ATM: variants seen among roughly 807,000 people sequenced by gnomAD.
The protein encoded by ATM is ATM serine/threonine kinase, also known as serine-protein kinase ATM.
A neutral mutation model predicts 387.0 loss-of-function variants in ATM; 308 were observed. That is an observed-to-expected ratio of 0.80 (90% confidence interval 0.73 to 0.87). The LOEUF (loss-of-function observed/expected upper bound fraction) is 0.87, where lower values mean the gene tolerates loss of function less well. ATM is among the 40% of genes least tolerant of loss of function. The pLI, the probability that ATM is intolerant of heterozygous loss-of-function variation, is 0.00. For synonymous variants in ATM, 1,156 were observed against 1,187.3 expected (o/e 0.97, Z 0.54); for missense variants, 3,312 against 3,560.9 (o/e 0.93, Z 1.78).
At chr11:108,361,360 T>G (rs921177636) in intron 61 of ATM, among the ~76,000 whole-genome samples, 2 of 150,616 alleles carry the variant, frequency 1.3e-5, no homozygotes, top group Admixed American at 6.6e-5. Context: ...ATTGTGAAAA[T>G]GGCCATACTG....
chr11:108,266,497 A>T (rs1382602979), intron 16 of ATM, among the ~76,000 whole-genome samples: 4 of 83,064 alleles, frequency 4.8e-5, no homozygotes, highest in South Asian at 5.0e-4. Flanking sequence ...GGGTGGGGGG[A>T]GGGGGGAGGG....
intron 43 of ATM, 99 bp downstream of exon 43, chr11:108,317,620 T>C: frequency 3.4e-5 from 1 of 29,792 alleles, no homozygotes; most frequent in Non-Finnish European, 6.5e-5. Flanking sequence ...TTGTTTTATA[T>C]ATATATATAT....
intron 15 of ATM, 25 bp downstream of exon 15, chr11:108,257,631 G>GT (rs772315792): frequency 1.9e-6 from 3 of 1,609,110 alleles, no homozygotes; most frequent in Admixed American, 1.7e-5. Flanking sequence ...TTCTTGTTTT[G>GT]TTTTTTGAGA....
chr11:108,343,183 G>T lies in ATM; in HGVS notation c.8269-39G>T, dbSNP rs2136936674. On this transcript the variant is annotated intron_variant, in intron 56 of 62. Coordinates refer to ENST00000675843, the MANE Select transcript of ATM (RefSeq NM_000051.4). ...AATGATCATCAAATGCTCTTTAATG[G>T]CCTTTTAAAATTAAAAGGTATTTAA... 1 of 1,611,314 alleles carries T rather than the reference G, an allele frequency of 6.2e-7. No individual in the cohort carries two copies. The highest frequency in any genetic ancestry group is 8.5e-7 in the Non-Finnish European group (1 of 1,177,674).
chr11:108,329,009 G>C lies in ATM; in HGVS notation c.7090-12G>C. The C allele has an allele frequency of 6.2e-7, 1 of 1,609,494 alleles. No individual in the cohort carries two copies. Among genetic ancestry groups the C allele is most frequent in the Non-Finnish European group, 8.5e-7 (1 of 1,175,904 alleles). ...TGTAAATATAATTTAAATTGGTTGT[G>C]TTTTCTTGAAGGCAGTAGAAGTTGC... is the stretch of plus-strand genomic sequence containing the variant. On this transcript the variant is annotated splice_polypyrimidine_tract_variant and intron_variant, in intron 48 of 62. Transcript: ENST00000675843.
In ATM at chr11:108,332,901, G is replaced by C. The variant is rs1555125532; in HGVS notation, c.7927+1G>C. On this transcript the variant is annotated splice_donor_variant, in intron 53 of 62. Coordinates refer to ENST00000675843, the MANE Select transcript of ATM (RefSeq NM_000051.4). LOFTEE classifies it high-confidence loss of function. ...GCCACTCAGTGGAAGACTCAGAGAA[G>C]TATGTTTTTTTTAAAGAAGAAACGT... The C allele has an allele frequency of 6.2e-7, 1 of 1,611,550 alleles. No homozygotes were observed. Among genetic ancestry groups the C allele is most frequent in the Non-Finnish European group, 8.5e-7 (1 of 1,179,392 alleles).
At chr11:108,279,639 T>TCATAGCAAG in intron 23 of ATM, 31 bp downstream of exon 23, 3 of 1,499,468 alleles carry the variant, frequency 2.0e-6, no homozygotes, top group Non-Finnish European at 2.8e-6. Context: ...TTTGCTGTTA[T>TCATAGCAAG]CATATGCTTG....
chr11:108,313,703 T>C (rs897631625), intron 40 of ATM, among the ~76,000 whole-genome samples: 1 of 152,178 alleles, frequency 6.6e-6, no homozygotes, highest in African/African-American at 2.4e-5. Flanking sequence ...ACTGAACTTT[T>C]CTACTCTGAG....
At chr11:108,224,524 A>G (rs965223985) in intron 1 of ATM, 8 of 152,124 alleles carry the variant, frequency 5.3e-5, no homozygotes, top group African/African-American at 7.2e-5. Context: ...TGACACTCAT[A>G]CTCTAGTTGA....
At chr11:108,288,636 T>C (rs1214763414) in intron 27 of ATM, among the ~76,000 whole-genome samples, 1 of 152,080 alleles carries the variant, frequency 6.6e-6, no homozygotes, top group South Asian at 2.1e-4. Flanking sequence ...AAAGTACTGC[T>C]TTTACAGTAC....
chr11:108,237,717 C>T (rs1372757495), intron 5 of ATM, among the ~76,000 whole-genome samples: 1 of 151,958 alleles, frequency 6.6e-6, no homozygotes, highest in Non-Finnish European at 1.5e-5. Context: ...GAAGAATGGC[C>T]TAAGATTGAG....
At chr11:108,280,312 A>G (rs1189479062) in intron 23 of ATM, among the ~76,000 whole-genome samples, 1 of 152,174 alleles carries the variant, frequency 6.6e-6, no homozygotes, top group Non-Finnish European at 1.5e-5. Flanking sequence ...TCTGACAGCA[A>G]TTCATTTAGA....
rs879253949 is a variant in ATM at position 108,281,023 on chromosome 11, T to C, written c.3431T>C (p.Leu1144Ser). 6.2e-7 allele frequency: 1 copy of C among 1,613,382 alleles called. No individual in the cohort carries two copies. Among genetic ancestry groups the C allele is most frequent in the South Asian group, 1.1e-5 (1 of 90,940 alleles). ...MSHSAENPET[L>S]DEIYNRKSVL... Reference sequence around the variant, plus strand: ...CATAGTGCTGAGAACCCTGAAACTTTGGATGAAATTTATAATAGAAAATCT... The same window carrying C: ...CATAGTGCTGAGAACCCTGAAACTTCGGATGAAATTTATAATAGAAAATCT... The change falls in exon 24 of 63, where the codon TTG (leucine) becomes TCG (serine). Residue 1144 changes from leucine (L) to serine (S), a missense_variant. Leu to Ser is a moderately radical substitution (Grantham distance 145). Transcript: ENST00000675843.
chr11:108,320,018 A>G lies in ATM; in HGVS notation c.6412A>G (p.Arg2138Gly), dbSNP rs752069869. ...CAATGCTCTACAATCTCTAAGAGAC[A>G]GAGAATTCTCTACATTTTATGAAAG... is the stretch of plus-strand genomic sequence containing the variant. ...LYNALQSLRD[R>G]EFSTFYESLK... Residue 2138 changes from arginine (R) to glycine (G), a missense_variant, in exon 44 of 63, where the codon AGA becomes GGA. Arg to Gly is a moderately radical substitution (Grantham distance 125). Transcript: ENST00000675843. The G allele has an allele frequency of 6.2e-6, 10 of 1,611,386 alleles. No individual in the cohort carries two copies. In the South Asian group the frequency reaches 7.7e-5, roughly 12 times the overall value.
At chr11:108,361,545 C>G (rs1230269389) in intron 61 of ATM, among the ~76,000 whole-genome samples, 2 of 152,066 alleles carry the variant, frequency 1.3e-5, no homozygotes, top group African/African-American at 4.8e-5. Flanking sequence ...TGACTTCAAA[C>G]TATACTACAA....
rs864622758 is a variant in ATM at position 108,229,272 on chromosome 11, A to G, written c.280A>G (p.Met94Val). The G allele has an allele frequency of 3.7e-6, 6 of 1,613,726 alleles. No individual in the cohort carries two copies. The highest frequency in any genetic ancestry group is 5.1e-6 in the Non-Finnish European group (6 of 1,179,846). The part of the protein sequence containing the change: ...ASTQASRQKK[M>V]QEISSLVKYF... Reference sequence around the variant, plus strand: ...AACACAAGCCTCCAGGCAGAAAAAGATGCAGGAAATCAGTAGTTTGGTCAA... The same window carrying G: ...AACACAAGCCTCCAGGCAGAAAAAGGTGCAGGAAATCAGTAGTTTGGTCAA... Residue 94 changes from methionine to valine, a missense_variant, in exon 4 of 63, where the codon ATG becomes GTG. Met to Val is a conservative substitution (Grantham distance 21). This residue lies in a region of ATM where 1,791 missense variants were observed against 1,804.5 expected (regional missense o/e 0.99). Transcript: ENST00000675843.
At chr11:108,257,354 C>A in intron 14 of ATM, 127 bp from the exon 15 acceptor site, 1 of 1,185,590 alleles carries the variant, frequency 8.4e-7, no homozygotes, top group Non-Finnish European at 1.2e-6. Context: ...AAAAACATTT[C>A]ATTTTTTCTC....
rs181455691 is a variant in ATM, at chr11:108,251,267, A to G, written c.1607+195A>G. 2.1e-4 allele frequency among the ~76,000 whole-genome samples: 32 copies of G among 152,364 alleles called. No homozygotes were observed. In the East Asian group the frequency reaches 6.2e-3, roughly 29 times the overall value. On this transcript the variant is annotated intron_variant, in intron 10 of 62. Coordinates refer to ENST00000675843, the MANE Select transcript of ATM (RefSeq NM_000051.4). ...ATTTAGTTTCAAATGTTGACAAATTATTAAAGACTAATGTTAAGGAATTTC... is the reference window on the plus strand; with the variant it reads ...ATTTAGTTTCAAATGTTGACAAATTGTTAAAGACTAATGTTAAGGAATTTC...
chr11:108,332,303 G>C (rs1009563642), intron 52 of ATM, among the ~76,000 whole-genome samples: 5 of 152,024 alleles, frequency 3.3e-5, no homozygotes, highest in African/African-American at 1.2e-4. Context: ...ATGGTGGTGG[G>C]CACCTGTAGT....
Sources: gnomAD v4.1 joint callset for allele counts (sites outside exome capture counted in the v4.1 genomes callset) on GRCh38, gnomAD v4.1.1 for gene constraint, gnomAD v4.1.1 regional missense constraint, MANE v1.5 for transcripts, NCBI Gene and HGNC (gene_info 2026-07-23, HGNC 2026-07-21) for gene names.